The following ALMS1 variants were observed in gnomAD, a reference collection of about 807,000 sequenced individuals.
ALMS1 encodes the protein centrosome-associated protein ALMS1.
Under a neutral mutation model 352.2 loss-of-function variants are expected in ALMS1, and 271 were observed. The ratio of observed to expected loss-of-function variants is 0.77; its 90% CI spans 0.70 to 0.85. The LOEUF is 0.85. ALMS1 is among the 40% of genes least tolerant of loss of function. ALMS1 has a pLI of 0.00. For synonymous variants in ALMS1, 1,865 were observed against 1,761.2 expected (o/e 1.06, Z -1.48); for missense variants, 5,445 against 4,870.7 (o/e 1.12, Z -3.51).
intron 10 of ALMS1, among the ~76,000 whole-genome samples, chr2:73,506,851 G>A (rs1416784443): frequency 6.6e-6 from 1 of 152,138 alleles, no homozygotes; most frequent in Non-Finnish European, 1.5e-5. Context: ...TCCTTGCATT[G>A]TGTCGGTTTT....
intron 1 of ALMS1, among the ~76,000 whole-genome samples, chr2:73,395,676 G>A (rs1670746107): frequency 6.6e-6 from 1 of 152,018 alleles, no homozygotes; most frequent in South Asian, 2.1e-4. Context: ...ATTCATCCTA[G>A]TAGATTATTT....
At chr2:73,514,071 A>G (rs952697246) in intron 10 of ALMS1, among the ~76,000 whole-genome samples, 3 of 152,172 alleles carry the variant, frequency 2.0e-5, no homozygotes, top group African/African-American at 4.8e-5. Flanking sequence ...TGTGATTAAT[A>G]TATCTTTTCT....
intron 9 of ALMS1, among the ~76,000 whole-genome samples, chr2:73,460,069 A>T (rs1469808003): frequency 2.0e-5 from 3 of 151,572 alleles, no homozygotes; most frequent in Non-Finnish European, 2.9e-5. Flanking sequence ...TTTATTTGTA[A>T]CTCACTTCCC....
chr2:73,491,875 C>T (rs552913547), intron 10 of ALMS1, among the ~76,000 whole-genome samples: 22 of 152,270 alleles, frequency 1.4e-4, no homozygotes, highest in African/African-American at 4.6e-4. Flanking sequence ...CTCTCTCTCC[C>T]GCTCTCCCTC....
chr2:73,592,160 GA>G, intron 16 of ALMS1, among the ~76,000 whole-genome samples: 1 of 152,072 alleles, frequency 6.6e-6, no homozygotes, highest in East Asian at 1.9e-4. Flanking sequence ...AATTTTTCAA[GA>G]ACCTGTTATG....
intron 7 of ALMS1, among the ~76,000 whole-genome samples, chr2:73,441,582 G>T (rs1671719780): frequency 6.7e-6 from 1 of 149,036 alleles, no homozygotes; most frequent in Non-Finnish European, 1.5e-5. Flanking sequence ...ACTTCTTTCT[G>T]CCCTCCTTTG....
chr2:73,541,728 T>A (rs1033721878), intron 12 of ALMS1, among the ~76,000 whole-genome samples: 1 of 152,202 alleles, frequency 6.6e-6, no homozygotes, highest in African/African-American at 2.4e-5. Flanking sequence ...CATCAGAGAA[T>A]ACTACAAACA....
chr2:73,562,388 C>CA lies in ALMS1; in HGVS notation c.10384+3248dup, dbSNP rs762960688. 2.4e-4 allele frequency among the ~76,000 whole-genome samples: 36 copies of CA among 151,790 alleles called. 1 individual carries two copies. Among genetic ancestry groups the CA allele is most frequent in the Admixed American group, 1.3e-3 (20 of 15,246 alleles). On this transcript the variant is annotated intron_variant, in intron 15 of 22. Coordinates refer to ENST00000613296, the MANE Select transcript of ALMS1 (RefSeq NM_001378454.1). Reference sequence around the variant, plus strand: ...CTAGGAAAATTTTGTATATAGTGTTCAATACTGAGATGTATGTTTGCGATA... The same window carrying CA: ...CTAGGAAAATTTTGTATATAGTGTTCAAATACTGAGATGTATGTTTGCGATA...
At chr2:73,576,117 C>T (rs1290329203) in intron 16 of ALMS1, among the ~76,000 whole-genome samples, 1 of 152,100 alleles carries the variant, frequency 6.6e-6, no homozygotes, top group Non-Finnish European at 1.5e-5. Context: ...TGCCAAAAAT[C>T]GTTTAGCCAT....
In ALMS1 at chr2:73,489,064, A is replaced by C. The variant is rs1672918522; in HGVS notation, c.7675-570A>C. Among the ~76,000 whole-genome samples the C allele has an allele frequency of 2.0e-5, 3 of 152,252 alleles. No homozygotes were observed. In the South Asian group the frequency reaches 6.2e-4, roughly 32 times the overall value. ...GGGACCCAAGCTGGCTGGACAACTAAGCTGTCTTACACATGACTTCCAAGG... is the reference window on the plus strand; with the variant it reads ...GGGACCCAAGCTGGCTGGACAACTACGCTGTCTTACACATGACTTCCAAGG... On this transcript the variant is annotated intron_variant, in intron 9 of 22. Coordinates refer to ENST00000613296, the MANE Select transcript of ALMS1 (RefSeq NM_001378454.1).
intron 1 of ALMS1, among the ~76,000 whole-genome samples, chr2:73,404,897 AC>A (rs1427797508): frequency 4.6e-5 from 3 of 64,552 alleles, no homozygotes; most frequent in Non-Finnish European, 7.9e-5. Flanking sequence ...CTTGTCCTGG[AC>A]CTTTTTTTTT....
At chr2:73,492,501 C>T (rs1006475100) in intron 10 of ALMS1, among the ~76,000 whole-genome samples, 1 of 152,024 alleles carries the variant, frequency 6.6e-6, no homozygotes, top group African/African-American at 2.4e-5. Context: ...AGGATTTGTT[C>T]CTCTACACAG....
chr2:73,421,460 G>GT (rs1442568594), intron 3 of ALMS1, among the ~76,000 whole-genome samples: 4 of 152,166 alleles, frequency 2.6e-5, no homozygotes, highest in Admixed American at 1.3e-4. Flanking sequence ...TGTTACGGAG[G>GT]TTTAAGACTG....
intron 1 of ALMS1, among the ~76,000 whole-genome samples, chr2:73,402,096 A>T (rs138535708): frequency 5.3e-5 from 8 of 151,496 alleles, no homozygotes; most frequent in African/African-American, 1.9e-4. Context: ...TCATTCATCA[A>T]TGGATGCTGT....
chr2:73,395,542 T>C (rs1384327966), intron 1 of ALMS1, among the ~76,000 whole-genome samples: 2 of 152,190 alleles, frequency 1.3e-5, no homozygotes, highest in African/African-American at 4.8e-5. Flanking sequence ...ATACTGTTTT[T>C]AATGGTATTG....
rs183139515 is a variant in ALMS1, at chr2:73,577,598, T to G, written c.11547+4174T>G. Among the ~76,000 whole-genome samples, 18 of 152,220 alleles carry G rather than the reference T, an allele frequency of 1.2e-4. No homozygotes were observed. The East Asian group carries it at 3.5e-3, about 29-fold the overall frequency. On this transcript the variant is annotated intron_variant, in intron 16 of 22. Coordinates refer to ENST00000613296, the MANE Select transcript of ALMS1 (RefSeq NM_001378454.1). ...TTTTGTAGATAAGTTCTGCCTTCAT[T>G]GCTTGCCATAAGTTTTGGTATGTTT...
chr2:73,559,263 CTT>C, intron 15 of ALMS1, 121 bp downstream of exon 15: 2 of 1,277,800 alleles, frequency 1.6e-6, no homozygotes, highest in Non-Finnish European at 2.2e-6. Flanking sequence ...AATTCCTTTT[CTT>C]TTTTTAAAAC....
At chr2:73,470,153 A>G (rs947958998) in intron 9 of ALMS1, 4 of 151,714 alleles carry the variant, frequency 2.6e-5, no homozygotes, top group East Asian at 1.9e-4. Flanking sequence ...AAAACTAACA[A>G]TTTAGTTGAT....
intron 10 of ALMS1, among the ~76,000 whole-genome samples, chr2:73,506,596 A>G (rs562921969): frequency 6.6e-6 from 1 of 152,128 alleles, no homozygotes; most frequent in Non-Finnish European, 1.5e-5. Context: ...TTATTGGTGT[A>G]TAAGAATGCT....
Sources: allele counts gnomAD v4.1 joint callset (sites outside exome capture counted in the v4.1 genomes callset), GRCh38; gene constraint gnomAD v4.1.1; transcripts MANE v1.5; gene names NCBI Gene and HGNC (gene_info 2026-07-23, HGNC 2026-07-21).